SND1: variants seen among roughly 807,000 people sequenced by gnomAD.
The protein encoded by SND1 is staphylococcal nuclease domain-containing protein 1.
SND1 carries 38 observed loss-of-function variants against 121.7 expected under a neutral mutation model. The observed-to-expected ratio is 0.31, with a 90% CI of 0.24 to 0.41. SND1 has a LOEUF of 0.41. Ranked by LOEUF, SND1 falls within the 10% of genes least tolerant of loss-of-function variation. SND1 has a pLI of 1.00. For synonymous variants in SND1, 401 were observed against 447.4 expected (o/e 0.90, Z 1.31); for missense variants, 868 against 1,184.6 (o/e 0.73, Z 3.92).
At chr7:128,075,762 A>G (rs754068281) in intron 17 of SND1, among the ~76,000 whole-genome samples, 2 of 152,194 alleles carry the variant, frequency 1.3e-5, no homozygotes, top group Admixed American at 6.5e-5. Flanking sequence ...GGCAGCCACC[A>G]TCAGACCTCA....
intron 16 of SND1, among the ~76,000 whole-genome samples, chr7:128,047,851 CT>C (rs566167167): frequency 2.1e-3 from 310 of 145,104 alleles, no homozygotes; most frequent in Middle Eastern, 3.5e-3. Context: ...GAACCTGCAT[CT>C]TTTTTTTTTT....
At chr7:127,663,418 C>T (rs1587577331) in intron 1 of SND1, among the ~76,000 whole-genome samples, 1 of 150,632 alleles carries the variant, frequency 6.6e-6, no homozygotes, top group Non-Finnish European at 1.5e-5. Flanking sequence ...TGTCGCCAGG[C>T]TGGTGTGCAG....
intron 12 of SND1, among the ~76,000 whole-genome samples, chr7:127,857,221 C>G (rs943645982): frequency 9.8e-6 from 1 of 101,626 alleles, no homozygotes; most frequent in Non-Finnish European, 1.8e-5. Context: ...GAGATGGAGT[C>G]TCACTCTTCC....
At chr7:127,859,958 G>A (rs901572042) in intron 12 of SND1, among the ~76,000 whole-genome samples, 3 of 152,152 alleles carry the variant, frequency 2.0e-5, no homozygotes, top group Non-Finnish European at 4.4e-5. Context: ...AGATGTTTAT[G>A]TTCTCAGATC....
At chr7:127,830,242 G>A (rs943085742) in intron 11 of SND1, among the ~76,000 whole-genome samples, 10 of 152,060 alleles carry the variant, frequency 6.6e-5, no homozygotes, top group African/African-American at 1.9e-4. Flanking sequence ...AATTAGCTGG[G>A]CGTGGTGGTG....
chr7:127,950,272 T>C (rs948517577), intron 15 of SND1, among the ~76,000 whole-genome samples: 1 of 152,164 alleles, frequency 6.6e-6, no homozygotes, highest in Non-Finnish European at 1.5e-5. Flanking sequence ...ACACAATGCG[T>C]TAATGGCTAA....
chr7:127,701,217 A>G lies in SND1; in HGVS notation c.483A>G (p.Lys161=), dbSNP rs1252633559. 5.6e-6 allele frequency: 9 copies of G among 1,614,064 alleles called. No individual in the cohort carries two copies. The highest frequency in any genetic ancestry group is 2.2e-5 in the South Asian group (2 of 91,072). The change falls in exon 5 of 24, where the codon AAA becomes AAG. Residue 161 remains lysine, a synonymous_variant. Transcript: ENST00000354725. Reference sequence around the variant, plus strand: ...AAGAACAAGCAAAGGCAGCCAAGAAAGGGATGTGGAGTGAGGGGAACGGTT... The same window carrying G: ...AAGAACAAGCAAAGGCAGCCAAGAAGGGGATGTGGAGTGAGGGGAACGGTT... ...ECEEQAKAAK[K]GMWSEGNGSH...
intron 10 of SND1, among the ~76,000 whole-genome samples, chr7:127,780,408 G>A (rs1338496172): frequency 6.6e-6 from 1 of 152,144 alleles, no homozygotes; most frequent in Admixed American, 6.5e-5. Flanking sequence ...TAGAATAATG[G>A]AATATCAAAA....
intron 17 of SND1, among the ~76,000 whole-genome samples, chr7:128,079,429 C>T (rs1462843170): frequency 1.3e-5 from 2 of 152,256 alleles, no homozygotes; most frequent in African/African-American, 4.8e-5. Context: ...GCAGTGTGTA[C>T]AGAGGTCTCT....
intron 16 of SND1, among the ~76,000 whole-genome samples, chr7:128,006,325 G>GT (rs1401016197): frequency 6.6e-6 from 1 of 151,942 alleles, no homozygotes; most frequent in Non-Finnish European, 1.5e-5. Flanking sequence ...TTGTGTGTGT[G>GT]TGCGTGCATG....
At chr7:127,854,559 TA>T (rs1799234826) in intron 12 of SND1, among the ~76,000 whole-genome samples, 1 of 150,710 alleles carries the variant, frequency 6.6e-6, no homozygotes, top group Admixed American at 6.6e-5. Context: ...TTTATTTATT[TA>T]TTTATTTATT....
At chr7:127,962,846 G>A (rs931194044) in intron 15 of SND1, among the ~76,000 whole-genome samples, 2 of 152,266 alleles carry the variant, frequency 1.3e-5, no homozygotes, top group African/African-American at 4.8e-5. Context: ...TCTACAACTT[G>A]CAATCAGGCA....
At chr7:127,867,908 A>AG (rs906624272) in intron 12 of SND1, among the ~76,000 whole-genome samples, 13 of 151,568 alleles carry the variant, frequency 8.6e-5, no homozygotes, top group African/African-American at 3.2e-4. Context: ...TTTAAAAAAA[A>AG]AAAAATTAAA....
chr7:127,657,385 G>A (rs1481938228), intron 1 of SND1, among the ~76,000 whole-genome samples: 1 of 152,232 alleles, frequency 6.6e-6, no homozygotes, highest in East Asian at 1.9e-4. Context: ...GATGGCATTT[G>A]TGCTGAGATC....
chr7:127,789,691 A>C (rs1222932562), intron 10 of SND1, among the ~76,000 whole-genome samples: 1 of 152,230 alleles, frequency 6.6e-6, no homozygotes, highest in Non-Finnish European at 1.5e-5. Context: ...TTACGTGGCC[A>C]TGATAGTTCT....
chr7:127,920,958 A>C (rs927052230), intron 14 of SND1, among the ~76,000 whole-genome samples: 2 of 152,122 alleles, frequency 1.3e-5, no homozygotes, highest in Non-Finnish European at 1.5e-5. Context: ...CAATGACTTC[A>C]TTTCTAAAGG....
intron 10 of SND1, among the ~76,000 whole-genome samples, chr7:127,752,540 G>T (rs1797114965): frequency 6.6e-6 from 1 of 152,148 alleles, no homozygotes; most frequent in Non-Finnish European, 1.5e-5. Flanking sequence ...CCTTTGGTAA[G>T]TGAAAGAGGA....
intron 16 of SND1, among the ~76,000 whole-genome samples, chr7:128,025,394 G>C (rs1563092271): frequency 6.6e-6 from 1 of 151,924 alleles, no homozygotes; most frequent in African/African-American, 2.4e-5. Context: ...CTGGGGCTCA[G>C]TTTCTTTGAC....
At chr7:127,934,339 G>T (rs1490616593) in intron 15 of SND1, among the ~76,000 whole-genome samples, 2 of 152,206 alleles carry the variant, frequency 1.3e-5, no homozygotes, top group Non-Finnish European at 2.9e-5. Flanking sequence ...TGACAGCTCA[G>T]ACACGAGCTA....
Sources: gnomAD v4.1 joint callset for allele counts (sites outside exome capture counted in the v4.1 genomes callset) on GRCh38, gnomAD v4.1.1 for gene constraint, MANE v1.5 for transcripts, NCBI Gene and HGNC (gene_info 2026-07-23, HGNC 2026-07-21) for gene names.